The following NKAIN3 variants were observed in gnomAD, a reference collection of about 807,000 sequenced individuals.
NKAIN3 encodes sodium/potassium-transporting ATPase subunit beta-1-interacting protein 3.
A neutral mutation model predicts 30.2 loss-of-function variants in NKAIN3; 25 were observed. That is an observed-to-expected ratio of 0.83 (90% CI 0.60 to 1.16). The LOEUF (loss-of-function observed/expected upper bound fraction) is 1.16. Ranked by LOEUF, NKAIN3 falls within the 50% of genes most tolerant of loss-of-function variation. The probability of loss-of-function intolerance (pLI) is 0.00; values close to 1 mark genes in which losing one functional copy is unlikely to be tolerated. For missense variants in NKAIN3, 225 were observed against 254.1 expected (o/e 0.89, Z 0.78); for synonymous variants, 91 against 89.6 (o/e 1.02, Z -0.09).
intron 1 of NKAIN3, among the ~76,000 whole-genome samples, chr8:62,345,627 A>G (rs564679727): frequency 1.4e-5 from 2 of 138,994 alleles, no homozygotes; most frequent in East Asian, 2.0e-4. Flanking sequence ...ACACATATAT[A>G]TACACATATA....
At chr8:62,915,659 C>A (rs1256491487) in intron 4 of NKAIN3, among the ~76,000 whole-genome samples, 2 of 152,156 alleles carry the variant, frequency 1.3e-5, no homozygotes, top group Non-Finnish European at 2.9e-5. Flanking sequence ...TGCAGGTATA[C>A]ACATATACAC....
intron 5 of NKAIN3, among the ~76,000 whole-genome samples, chr8:62,934,944 C>T (rs1822736217): frequency 6.6e-6 from 1 of 152,068 alleles, no homozygotes; most frequent in Non-Finnish European, 1.5e-5. Flanking sequence ...ATTCAGCAGC[C>T]CTGGAGAGGG....
intron 1 of NKAIN3, among the ~76,000 whole-genome samples, chr8:62,471,526 C>T (rs979766546): frequency 4.6e-5 from 7 of 152,178 alleles, no homozygotes; most frequent in African/African-American, 1.7e-4. Context: ...TGATACAATG[C>T]CTTATATGCA....
At chr8:62,541,359 A>C (rs565206255) in intron 1 of NKAIN3, among the ~76,000 whole-genome samples, 1 of 152,234 alleles carries the variant, frequency 6.6e-6, no homozygotes, top group East Asian at 1.9e-4. Context: ...ATGCAATTTA[A>C]AAAAGAAGTC....
intron 3 of NKAIN3, among the ~76,000 whole-genome samples, chr8:62,640,780 C>G (rs569699269): frequency 6.6e-6 from 1 of 152,194 alleles, no homozygotes; most frequent in South Asian, 2.1e-4. Context: ...TCTAAATTCT[C>G]CATCTACTCA....
intron 3 of NKAIN3, among the ~76,000 whole-genome samples, chr8:62,606,347 GGTT>G (rs1445128551): frequency 6.6e-6 from 1 of 152,044 alleles, no homozygotes; most frequent in African/African-American, 2.4e-5. Flanking sequence ...TTCCTTTTGA[GGTT>G]ATCTGTAATT....
At chr8:62,456,118 T>C (rs1805809237) in intron 1 of NKAIN3, among the ~76,000 whole-genome samples, 1 of 152,230 alleles carries the variant, frequency 6.6e-6, no homozygotes, top group African/African-American at 2.4e-5. Flanking sequence ...GAATTGTTTA[T>C]TTCTGGAATT....
chr8:62,418,112 C>T (rs1220704648), intron 1 of NKAIN3, among the ~76,000 whole-genome samples: 1 of 152,152 alleles, frequency 6.6e-6, no homozygotes, highest in African/African-American at 2.4e-5. Context: ...CAGCTGCCAG[C>T]AAGTGCAAGT....
chr8:62,465,531 C>T lies in NKAIN3; in HGVS notation c.55-114008C>T, dbSNP rs551025355. ...GGACTGTTTCAATATGTGTTTTGAC[C>T]TCTACGTACATTGATAGTCATTTTC... On this transcript the variant is annotated intron_variant, in intron 1 of 6. Transcript: ENST00000623646. Among the ~76,000 whole-genome samples, 13 of 152,264 alleles carry T rather than the reference C, an allele frequency of 8.5e-5. 1 individual carries two copies. The South Asian group carries it at 2.7e-3, about 32-fold the overall frequency.
intron 4 of NKAIN3, among the ~76,000 whole-genome samples, chr8:62,869,944 G>C (rs1279179438): frequency 6.6e-6 from 1 of 151,674 alleles, no homozygotes; most frequent in Non-Finnish European, 1.5e-5. Flanking sequence ...TAATTTTTTT[G>C]TATTTTTAGT....
intron 1 of NKAIN3, among the ~76,000 whole-genome samples, chr8:62,312,979 A>G (rs1381216879): frequency 6.6e-6 from 1 of 152,132 alleles, no homozygotes; most frequent in Non-Finnish European, 1.5e-5. Context: ...GTTTCCACCT[A>G]CAGTTTTCAG....
At chr8:62,838,288 C>T (rs757616339) in intron 4 of NKAIN3, among the ~76,000 whole-genome samples, 10 of 151,548 alleles carry the variant, frequency 6.6e-5, no homozygotes, top group African/African-American at 9.7e-5. Context: ...TTATTTTCAT[C>T]ATCAGAGGCA....
chr8:62,602,293 C>T (rs1052066149), intron 3 of NKAIN3, among the ~76,000 whole-genome samples: 1 of 151,996 alleles, frequency 6.6e-6, no homozygotes, highest in Non-Finnish European at 1.5e-5. Flanking sequence ...TGAACAAAGC[C>T]TATGCAAATA....
At chr8:62,340,804 T>C (rs1481955736) in intron 1 of NKAIN3, among the ~76,000 whole-genome samples, 1 of 151,994 alleles carries the variant, frequency 6.6e-6, no homozygotes, top group Non-Finnish European at 1.5e-5. Flanking sequence ...CTACGCAGGC[T>C]TCCCACAGAT....
At chr8:62,481,374 G>A (rs1248713393) in intron 1 of NKAIN3, among the ~76,000 whole-genome samples, 4 of 151,964 alleles carry the variant, frequency 2.6e-5, no homozygotes, top group African/African-American at 4.8e-5. Context: ...CACTTCCTCC[G>A]AGAAGCCTCG....
chr8:62,507,297 T>C (rs1205683829), intron 1 of NKAIN3, among the ~76,000 whole-genome samples: 7 of 152,172 alleles, frequency 4.6e-5, no homozygotes, highest in Non-Finnish European at 2.9e-5. Context: ...TTATGAGTTA[T>C]TTACTAGGAC....
Position 62,953,933 on chromosome 8 carries a change from C to G in NKAIN3, c.564C>G (p.Ser188=). 1.0e-6 allele frequency: 1 copy of G among 981,260 alleles called. No individual in the cohort carries two copies. Among genetic ancestry groups the G allele is most frequent in the Non-Finnish European group, 1.2e-6 (1 of 825,822 alleles). The allele number at this position is 981,260 out of a possible 1,614,324, so 60.8% of individuals were successfully genotyped here. Residue 188 remains serine, a synonymous_variant, in exon 6 of 7, where the codon TCC becomes TCG. Transcript: ENST00000623646. ...FDFIGGLDTH[S]YYQDHVELKP... ...TCATAGGTGGACTTGATACACACTC[C>G]TACTACCAGGATCATGTTGAGTTAA...
intron 1 of NKAIN3, among the ~76,000 whole-genome samples, chr8:62,454,818 A>G (rs1805763455): frequency 6.6e-6 from 1 of 152,250 alleles, no homozygotes; most frequent in Non-Finnish European, 1.5e-5. Flanking sequence ...AAATTCCATG[A>G]AAATATCAAA....
intron 1 of NKAIN3, among the ~76,000 whole-genome samples, chr8:62,453,719 C>T (rs2129598987): frequency 6.6e-6 from 1 of 152,202 alleles, no homozygotes; most frequent in African/African-American, 2.4e-5. Flanking sequence ...CACAGAAATA[C>T]AGAAAACCCT....
Sources: gnomAD v4.1 joint callset for allele counts (sites outside exome capture counted in the v4.1 genomes callset) on GRCh38, gnomAD v4.1.1 for gene constraint, MANE v1.5 for transcripts, NCBI Gene and HGNC (gene_info 2026-07-23, HGNC 2026-07-21) for gene names.